The following RBMS1 variants were observed in gnomAD, a reference collection of about 807,000 sequenced individuals.
The protein encoded by RBMS1 is RNA-binding motif, single-stranded-interacting protein 1.
RBMS1 carries 17 observed loss-of-function variants against 62.3 expected under a neutral mutation model. The observed-to-expected ratio is 0.27, with a 90% CI of 0.19 to 0.41. The LOEUF (loss-of-function observed/expected upper bound fraction) is 0.41, where lower values mean the gene tolerates loss of function less well. Ranked by LOEUF, RBMS1 falls within the 10% of genes least tolerant of loss-of-function variation. RBMS1 has a pLI of 1.00. For synonymous variants in RBMS1, 172 were observed against 170.0 expected (o/e 1.01, Z -0.09); for missense variants, 334 against 504.5 (o/e 0.66, Z 3.24).
intron 1 of RBMS1, among the ~76,000 whole-genome samples, chr2:160,417,783 C>T (rs1696262841): frequency 6.6e-6 from 1 of 152,174 alleles, no homozygotes; most frequent in Non-Finnish European, 1.5e-5. Flanking sequence ...CTATTCATAA[C>T]CTTGGCTTTA....
In RBMS1 at chr2:160,311,236, A is replaced by ATATCTATATATCTATATATCTATATATC. The variant is rs1303110202; in HGVS notation, c.402+1919_402+1920insGATATATAGATATATAGATATATAGATA. ...TCTATCTATCTATCTATCTATCTATATATATATATATATATATATATAGTC... is the reference window on the plus strand; with the variant it reads ...TCTATCTATCTATCTATCTATCTATATATCTATATATCTATATATCTATATATCTATATATATATATATATATATAGTC... On this transcript the variant is annotated intron_variant, in intron 4 of 13. Transcript: ENST00000348849. Among the ~76,000 whole-genome samples, 148 of 60,696 alleles carry ATATCTATATATCTATATATCTATATATC rather than the reference A, an allele frequency of 2.4e-3. 3 individuals carry two copies. The highest frequency in any genetic ancestry group is 2.5e-3 in the South Asian group (5 of 1,982). The allele number at this position is 60,696 out of a possible 152,430, so 39.8% of individuals were successfully genotyped here.
chr2:160,482,567 A>G (rs539074127), intron 1 of RBMS1, among the ~76,000 whole-genome samples: 1 of 152,336 alleles, frequency 6.6e-6, no homozygotes, highest in East Asian at 1.9e-4. Context: ...ATTTGTATCA[A>G]CTTAACTAGA....
chr2:160,318,742 C>T (rs890723957), intron 2 of RBMS1, among the ~76,000 whole-genome samples: 1 of 152,172 alleles, frequency 6.6e-6, no homozygotes, highest in Non-Finnish European at 1.5e-5. Flanking sequence ...GGTGTGTGCG[C>T]ATGTTTATGT....
chr2:160,408,462 C>G (rs1298145417), intron 1 of RBMS1: 1 of 152,188 alleles, frequency 6.6e-6, no homozygotes, highest in Non-Finnish European at 1.5e-5. Flanking sequence ...GCCCCTCACC[C>G]AAATACGATC....
At chr2:160,491,340 G>A (rs1463962492) in intron 1 of RBMS1, among the ~76,000 whole-genome samples, 1 of 152,162 alleles carries the variant, frequency 6.6e-6, no homozygotes, top group Non-Finnish European at 1.5e-5. Context: ...TTTAATTGTA[G>A]AATTAGCAAA....
chr2:160,318,229 T>TAAACAAAAAAAA lies in RBMS1; in HGVS notation c.252-3_252-2insTTTTTTTTGTTT. On this transcript the variant is annotated splice_polypyrimidine_tract_variant and splice_region_variant and intron_variant, in intron 2 of 13. Coordinates refer to ENST00000348849, the MANE Select transcript of RBMS1 (RefSeq NM_016836.4). ...TTTGTGGAGACTATTTTCCCATATC[T>TAAACAAAAAAAA]AAAAAAAAAAAAAAAAAAAAAAAGG... The TAAACAAAAAAAA allele has an allele frequency of 8.6e-7, 1 of 1,163,254 alleles. No homozygotes were observed. The highest frequency in any genetic ancestry group is 2.0e-5 in the South Asian group (1 of 49,526). The allele number at this position is 1,163,254 out of a possible 1,614,324, so 72.1% of individuals were successfully genotyped here. A position where few individuals can be genotyped will look rare whatever the true frequency, so the allele number is the denominator to read the frequency against.
chr2:160,457,467 G>A (rs1684289010), intron 1 of RBMS1, among the ~76,000 whole-genome samples: 1 of 152,128 alleles, frequency 6.6e-6, no homozygotes, highest in African/African-American at 2.4e-5. Context: ...TCTCACAGCT[G>A]GTAAGTAGCA....
At chr2:160,336,371 T>C (rs1402650053) in intron 2 of RBMS1, among the ~76,000 whole-genome samples, 1 of 152,198 alleles carries the variant, frequency 6.6e-6, no homozygotes, top group Non-Finnish European at 1.5e-5. Flanking sequence ...TCAGTGATAC[T>C]GTATGGCCTT....
intron 1 of RBMS1, among the ~76,000 whole-genome samples, chr2:160,426,290 A>AAAGAAAGAAAGG (rs1248344627): frequency 1.4e-3 from 92 of 67,038 alleles, no homozygotes; most frequent in Admixed American, 2.3e-3. Context: ...AGAAAGAAAG[A>AAAGAAAGAAAGG]AAAGAAAGAA....
At chr2:160,441,274 C>T (rs1683399160) in intron 1 of RBMS1, among the ~76,000 whole-genome samples, 1 of 152,164 alleles carries the variant, frequency 6.6e-6, no homozygotes, top group Non-Finnish European at 1.5e-5. Flanking sequence ...TGTTAATGGA[C>T]ATTTGGATTG....
chr2:160,367,105 G>A, intron 2 of RBMS1, 111 bp downstream of exon 2: 2 of 1,064,124 alleles, frequency 1.9e-6, no homozygotes, highest in Non-Finnish European at 2.7e-6. Context: ...GTGACACTGA[G>A]AGTCCACAGA....
At chr2:160,356,069 A>G (rs931331190) in intron 2 of RBMS1, among the ~76,000 whole-genome samples, 1 of 152,084 alleles carries the variant, frequency 6.6e-6, no homozygotes, top group Non-Finnish European at 1.5e-5. Flanking sequence ...CAGTATTAGG[A>G]CTTGTAAGAC....
At chr2:160,368,458 G>A (rs555003028) in intron 1 of RBMS1, among the ~76,000 whole-genome samples, 5 of 152,222 alleles carry the variant, frequency 3.3e-5, no homozygotes, top group African/African-American at 1.2e-4. Context: ...ATGTCTATAG[G>A]AGACAAATCA....
chr2:160,324,939 T>C (rs564456637), intron 2 of RBMS1, among the ~76,000 whole-genome samples: 2,096 of 130,222 alleles, frequency 0.016, 23 homozygotes, highest in Middle Eastern at 0.059. Context: ...CACACACACA[T>C]ATATATGCGC....
intron 1 of RBMS1, among the ~76,000 whole-genome samples, chr2:160,401,164 T>C: frequency 6.6e-6 from 1 of 152,206 alleles, no homozygotes; most frequent in East Asian, 1.9e-4. Context: ...CTTCCAGTTT[T>C]TAAAAATACA....
intron 1 of RBMS1, among the ~76,000 whole-genome samples, chr2:160,467,219 A>T (rs1684731593): frequency 6.6e-6 from 1 of 152,120 alleles, no homozygotes; most frequent in Admixed American, 6.5e-5. Context: ...AAAAAAAAAA[A>T]AGGTGGGCAC....
chr2:160,415,147 C>T (rs1342224919), intron 1 of RBMS1, among the ~76,000 whole-genome samples: 1 of 151,880 alleles, frequency 6.6e-6, no homozygotes, highest in Non-Finnish European at 1.5e-5. Context: ...TGTTATTCTC[C>T]ATGCCTATTG....
intron 2 of RBMS1, among the ~76,000 whole-genome samples, chr2:160,343,653 G>A (rs1397432920): frequency 1.3e-5 from 2 of 152,132 alleles, no homozygotes; most frequent in African/African-American, 2.4e-5. Flanking sequence ...TGGGAGTAAA[G>A]ACGATATAAA....
chr2:160,375,161 C>A (rs1335664556), intron 1 of RBMS1, among the ~76,000 whole-genome samples: 4 of 152,156 alleles, frequency 2.6e-5, no homozygotes, highest in African/African-American at 4.8e-5. Flanking sequence ...CATATCAAGA[C>A]AGAGCCCAGT....
Sources: gnomAD v4.1 joint callset for allele counts (sites outside exome capture counted in the v4.1 genomes callset) on GRCh38, gnomAD v4.1.1 for gene constraint, MANE v1.5 for transcripts, NCBI Gene and HGNC (gene_info 2026-07-23, HGNC 2026-07-21) for gene names.